RUNX1: variants seen among roughly 807,000 people sequenced by gnomAD.
The protein encoded by RUNX1 is RUNX family transcription factor 1.
In RUNX1, 19 loss-of-function variants were observed where a neutral mutation model predicts 42.8. That is an observed-to-expected ratio of 0.44 (90% CI 0.31 to 0.65). The LOEUF (loss-of-function observed/expected upper bound fraction) is 0.65, where lower values mean the gene tolerates loss of function less well. Among genes scored for constraint, RUNX1 ranks in the 30% least tolerant of loss-of-function variants. The probability of loss-of-function intolerance (pLI) is 0.07; values close to 1 mark genes in which losing one functional copy is unlikely to be tolerated. For synonymous variants in RUNX1, 271 were observed against 289.4 expected (o/e 0.94, Z 0.64); for missense variants, 528 against 672.0 (o/e 0.79, Z 2.37).
rs369808636 is a variant in RUNX1, at chr21:34,983,015, T to A, written c.58+65827A>T. On this transcript the variant is annotated intron_variant, in intron 2 of 8. Transcript: ENST00000675419. Reference sequence around the variant, plus strand: ...TTAAGCTGTTTCCCAAGTGAATCTTTAGGAACATTCCAGGCACCTAGTTCT... The same window carrying A: ...TTAAGCTGTTTCCCAAGTGAATCTTAAGGAACATTCCAGGCACCTAGTTCT... Among the ~76,000 whole-genome samples, 106 of 152,388 alleles carry A rather than the reference T, an allele frequency of 7.0e-4. 2 individuals are homozygous for A. In the South Asian group the frequency reaches 0.021, roughly 30 times the overall value.
At chr21:35,029,023 A>ATTT (rs1182245948) in intron 2 of RUNX1, among the ~76,000 whole-genome samples, 4 of 152,120 alleles carry the variant, frequency 2.6e-5, no homozygotes, top group African/African-American at 9.7e-5. Flanking sequence ...TCCACTTGAA[A>ATTT]TCAAGGTCAC....
At chr21:34,887,962 G>A (rs559187560) in intron 3 of RUNX1, 1 of 1,065,818 alleles carries the variant, frequency 9.4e-7, no homozygotes, top group African/African-American at 1.6e-5. Context: ...TCATAAGAAG[G>A]CCCAGTCGAT....
intron 7 of RUNX1, among the ~76,000 whole-genome samples, chr21:34,832,789 A>G (rs2057081975): frequency 2.0e-5 from 3 of 152,188 alleles, no homozygotes; most frequent in Non-Finnish European, 4.4e-5. Flanking sequence ...TTAAATCATT[A>G]TTAATGATTA....
chr21:34,914,671 A>G (rs1214052267), intron 2 of RUNX1, among the ~76,000 whole-genome samples: 2 of 152,170 alleles, frequency 1.3e-5, no homozygotes, highest in Middle Eastern at 3.2e-3. Flanking sequence ...GGAAGCACAC[A>G]TTCTGGTCAG....
intron 2 of RUNX1, among the ~76,000 whole-genome samples, chr21:34,994,544 A>G (rs2058978550): frequency 6.6e-6 from 1 of 152,116 alleles, no homozygotes; most frequent in African/African-American, 2.4e-5. Context: ...GTATAGGTAC[A>G]ATGTGTGCAT....
At chr21:34,804,164 A>T (rs2056647126) in intron 7 of RUNX1, among the ~76,000 whole-genome samples, 1 of 152,180 alleles carries the variant, frequency 6.6e-6, no homozygotes, top group Non-Finnish European at 1.5e-5. Context: ...GAGAACACTT[A>T]ATGGTGATTT....
Position 34,912,132 on chromosome 21 carries a change from T to C in RUNX1, c.59-19169A>G, listed in dbSNP as rs190861556. Among the ~76,000 whole-genome samples the C allele has an allele frequency of 1.2e-3, 175 of 151,028 alleles. 1 individual carries two copies. Among genetic ancestry groups the C allele is most frequent in the African/African-American group, 3.7e-3 (151 of 41,048 alleles). ...AGAAAAGTGCTTGGAACTGAGTAGATAGTCAACAGACACTTCTTAAGAATG... is the reference window on the plus strand; with the variant it reads ...AGAAAAGTGCTTGGAACTGAGTAGACAGTCAACAGACACTTCTTAAGAATG... On this transcript the variant is annotated intron_variant, in intron 2 of 8. Coordinates refer to ENST00000675419, the MANE Select transcript of RUNX1 (RefSeq NM_001754.5).
intron 5 of RUNX1, among the ~76,000 whole-genome samples, chr21:34,865,388 T>A (rs2057646321): frequency 6.6e-6 from 1 of 151,386 alleles, no homozygotes; most frequent in Admixed American, 6.6e-5. Flanking sequence ...TCAAGTTCAC[T>A]CCTGCCCCGC....
Position 34,792,352 on chromosome 21 carries a change from G to A in RUNX1, c.1226C>T (p.Ala409Val). The A allele has an allele frequency of 6.4e-7, 1 of 1,557,938 alleles. No homozygotes were observed. The highest frequency in any genetic ancestry group is 8.7e-7 in the Non-Finnish European group (1 of 1,151,098). ...SSPSYHLYYG[A>V]SAGSYQFSMV... is the part of the protein sequence containing the mutation. ...GGAGAACTGGTAGGAGCCGGCCGAG[G>A]CGCCGTAGTACAGGTGGTAGGAGGG... Residue 409 changes from alanine (A) to valine (V), a missense_variant, in exon 9 of 9, where the codon GCC (alanine) becomes GTC (valine). This residue lies in a region of RUNX1 where 331 missense variants were observed against 382.5 expected (regional missense o/e 0.87). Coordinates refer to ENST00000675419, the MANE Select transcript of RUNX1 (RefSeq NM_001754.5). The surrounding 1 kb of genome is among the most constrained non-coding windows in gnomAD (Gnocchi z 6.9).
chr21:34,844,220 T>C (rs2057284297), intron 6 of RUNX1, among the ~76,000 whole-genome samples: 1 of 152,142 alleles, frequency 6.6e-6, no homozygotes, highest in East Asian at 1.9e-4. Context: ...AAGAAAGTAT[T>C]GGTGGCGGGT....
intron 3 of RUNX1, chr21:34,888,387 A>G: frequency 9.4e-7 from 1 of 1,067,932 alleles, no homozygotes; most frequent in Non-Finnish European, 1.1e-6. Flanking sequence ...CGGACCACAG[A>G]GCACTTTCTC....
intron 7 of RUNX1, among the ~76,000 whole-genome samples, chr21:34,803,287 C>G (rs2056633249): frequency 6.6e-6 from 1 of 152,102 alleles, no homozygotes; most frequent in African/African-American, 2.4e-5. Flanking sequence ...GTGGCTCATA[C>G]CTGTAATCCC....
chr21:35,039,786 C>A (rs1191384147), intron 2 of RUNX1, among the ~76,000 whole-genome samples: 1 of 152,184 alleles, frequency 6.6e-6, no homozygotes, highest in Non-Finnish European at 1.5e-5. Context: ...GACCCTGCAC[C>A]TTTCACAGTG....
intron 2 of RUNX1, among the ~76,000 whole-genome samples, chr21:34,925,473 C>T (rs1433163796): frequency 6.6e-6 from 1 of 152,160 alleles, no homozygotes; most frequent in Non-Finnish European, 1.5e-5. Context: ...GACACAGACA[C>T]AATGGGAGAA....
intron 2 of RUNX1, among the ~76,000 whole-genome samples, chr21:34,982,630 C>T (rs1357915135): frequency 1.3e-5 from 2 of 152,078 alleles, no homozygotes; most frequent in Admixed American, 6.5e-5. Context: ...AGTGTAGTGG[C>T]GCGATCTTGG....
At chr21:34,823,172 C>T (rs1383122038) in intron 7 of RUNX1, among the ~76,000 whole-genome samples, 2 of 152,220 alleles carry the variant, frequency 1.3e-5, no homozygotes, top group Non-Finnish European at 2.9e-5. Flanking sequence ...CTCAAGTTAG[C>T]GCTGACTCAG....
intron 2 of RUNX1, 140 bp from the exon 3 acceptor site, chr21:34,893,103 C>A: frequency 1.5e-6 from 1 of 655,160 alleles, no homozygotes; most frequent in Non-Finnish European, 2.8e-6. Flanking sequence ...ACAAAAATGA[C>A]TTGAAATAGT....
chr21:34,797,269 A>C (rs1366286579), intron 8 of RUNX1, among the ~76,000 whole-genome samples: 1 of 151,790 alleles, frequency 6.6e-6, no homozygotes, highest in Admixed American at 6.6e-5. Context: ...TCTACTTCAC[A>C]CTCCCATGCC....
intron 2 of RUNX1, among the ~76,000 whole-genome samples, chr21:34,941,523 G>T (rs934851738): frequency 2.6e-5 from 4 of 152,208 alleles, no homozygotes; most frequent in African/African-American, 9.7e-5. Context: ...TGGGACCAAA[G>T]AAACATACTT....
Sources: gnomAD v4.1 joint callset for allele counts (sites outside exome capture counted in the v4.1 genomes callset) on GRCh38, gnomAD v4.1.1 for gene constraint, gnomAD v4.1.1 regional missense constraint, Gnocchi (gnomAD v3.1) non-coding constraint, MANE v1.5 for transcripts, NCBI Gene and HGNC (gene_info 2026-07-23, HGNC 2026-07-21) for gene names.